The following NALCN variants were observed in gnomAD, a reference collection of about 807,000 sequenced individuals.
NALCN encodes the protein sodium leak channel, non-selective.
NALCN carries 111 observed loss-of-function variants against 225.3 expected under a neutral mutation model. The observed-to-expected ratio is 0.49, with a 90% CI of 0.42 to 0.58. The LOEUF (loss-of-function observed/expected upper bound fraction) is 0.58, where lower values mean the gene tolerates loss of function less well. Among genes scored for constraint, NALCN ranks in the 20% least tolerant of loss-of-function variants. The pLI is 0.00. For synonymous variants in NALCN, 764 were observed against 769.0 expected, an observed-to-expected ratio of 0.99 and a Z score of 0.11; for missense variants, 1,378 against 2,202.4, an observed-to-expected ratio of 0.63 and a Z score of 7.49.
intron 1 of NALCN, 119 bp from the exon 2 acceptor site, chr13:101,399,284 T>A: frequency 1.9e-6 from 1 of 531,742 alleles, no homozygotes; most frequent in South Asian, 2.9e-5. Flanking sequence ...CCATAGTGTA[T>A]AATAAACATA....
chr13:101,402,639 C>A (rs2047506450), intron 1 of NALCN, among the ~76,000 whole-genome samples: 1 of 152,210 alleles, frequency 6.6e-6, no homozygotes, highest in Non-Finnish European at 1.5e-5. Context: ...TCTTGCCTGT[C>A]TTCTCTACTT....
intron 3 of NALCN, among the ~76,000 whole-genome samples, chr13:101,390,451 G>A (rs79273066): frequency 0.012 from 1,784 of 151,820 alleles, 36 homozygotes; most frequent in African/African-American, 0.041. Context: ...AGAAAACAAA[G>A]GAAAGGAAAG....
intron 7 of NALCN, among the ~76,000 whole-genome samples, chr13:101,324,018 T>A (rs1005027727): frequency 6.6e-6 from 1 of 152,278 alleles, no homozygotes; most frequent in African/African-American, 2.4e-5. Flanking sequence ...GGAAGCAACG[T>A]TTAACTTAGT....
intron 15 of NALCN, among the ~76,000 whole-genome samples, chr13:101,146,820 A>G (rs767257909): frequency 4.6e-5 from 7 of 152,218 alleles, no homozygotes; most frequent in Non-Finnish European, 8.8e-5. Context: ...AGCCCACAGT[A>G]TAACTGGGTA....
intron 7 of NALCN, among the ~76,000 whole-genome samples, chr13:101,309,037 T>C (rs1186232503): frequency 6.6e-6 from 1 of 152,222 alleles, no homozygotes; most frequent in Non-Finnish European, 1.5e-5. Flanking sequence ...TATGAGATTG[T>C]TACTTTTTAA....
chr13:101,127,112 C>T (rs1226171731), intron 17 of NALCN, among the ~76,000 whole-genome samples: 1 of 152,192 alleles, frequency 6.6e-6, no homozygotes, highest in African/African-American at 2.4e-5. Flanking sequence ...ACTGCCCCTG[C>T]AATTTCACGT....
rs772306560 is a variant in NALCN, at chr13:101,074,630, G to A, written c.3987C>T (p.Val1329=). The A allele has an allele frequency of 9.9e-6, 16 of 1,612,722 alleles. No individual in the cohort carries two copies. Among genetic ancestry groups the A allele is most frequent in the African/African-American group, 1.3e-5 (1 of 74,782 alleles). The change falls in exon 36 of 44, where the codon GTC becomes GTT. Residue 1329 remains valine, a synonymous_variant. Coordinates refer to ENST00000251127, the MANE Select transcript of NALCN (RefSeq NM_052867.4). ...VTLKMLLLTV[V]VSMYKSFFII... is the part of the protein sequence containing the mutation. ...TAAAGAAGCTCTTGTACATGCTGACGACCACTGTCAAGAGGAGCATCTTTA... is the reference window on the plus strand; with the variant it reads ...TAAAGAAGCTCTTGTACATGCTGACAACCACTGTCAAGAGGAGCATCTTTA...
At chr13:101,229,368 C>T (rs781772155) in intron 13 of NALCN, 25 bp downstream of exon 13, 2 of 1,495,860 alleles carry the variant, frequency 1.3e-6, no homozygotes, top group Admixed American at 2.4e-5. Flanking sequence ...ATGAATTTAA[C>T]TTACTGCATT....
At chr13:101,205,700 A>T (rs1006713133) in intron 13 of NALCN, among the ~76,000 whole-genome samples, 1 of 152,168 alleles carries the variant, frequency 6.6e-6, no homozygotes, top group Admixed American at 6.5e-5. Flanking sequence ...TTTCTTAATA[A>T]GAGATTTTGC....
In NALCN at chr13:101,399,024, T is replaced by C. The variant is rs79047578; in HGVS notation, c.103A>G (p.Lys35Glu). 501 of 1,568,022 alleles carry C rather than the reference T, an allele frequency of 3.2e-4. No individual in the cohort carries two copies. The African/African-American group carries it at 6.3e-3, about 20-fold the overall frequency. Residue 35 changes from lysine (K) to glutamate (E), a missense_variant, in exon 2 of 44, where the codon AAA becomes GAA. By Grantham distance (56) the Lys-to-Glu change is moderately conservative. Coordinates refer to ENST00000251127, the MANE Select transcript of NALCN (RefSeq NM_052867.4). ...SDNADILWINKPWVHSLLRIC... is the reference protein window; with the variant it reads ...SDNADILWINEPWVHSLLRIC... ...TACTCAAAGAAGAAACTTACTGGTT[T>C]GTTAATCCAGAGGATGTCAGCATTA...
intron 1 of NALCN, among the ~76,000 whole-genome samples, chr13:101,407,732 A>C (rs1429067233): frequency 1.3e-5 from 2 of 152,238 alleles, no homozygotes; most frequent in East Asian, 3.8e-4. Flanking sequence ...TGTCGGGAGA[A>C]CAGAGGGAGG....
chr13:101,388,740 A>G (rs1330839183), intron 3 of NALCN, among the ~76,000 whole-genome samples: 2 of 152,246 alleles, frequency 1.3e-5, no homozygotes, highest in Admixed American at 1.3e-4. Context: ...TTATTTAATG[A>G]CTTAAAAAAA....
chr13:101,268,450 G>A (rs1490002112), intron 10 of NALCN, among the ~76,000 whole-genome samples: 2 of 152,154 alleles, frequency 1.3e-5, no homozygotes, highest in Non-Finnish European at 2.9e-5. Flanking sequence ...CTCATACATT[G>A]ATCATAAATA....
At chr13:101,128,595 C>A (rs189580174) in intron 17 of NALCN, among the ~76,000 whole-genome samples, 11 of 151,974 alleles carry the variant, frequency 7.2e-5, no homozygotes, top group Admixed American at 7.2e-4. Flanking sequence ...GTTCTGTCAC[C>A]CAGGCTGGAG....
intron 7 of NALCN, among the ~76,000 whole-genome samples, chr13:101,298,574 G>A (rs1399769822): frequency 2.0e-5 from 3 of 152,098 alleles, no homozygotes; most frequent in South Asian, 2.1e-4. Flanking sequence ...CACTCACCTC[G>A]GCCTCCCAAA....
intron 6 of NALCN, among the ~76,000 whole-genome samples, chr13:101,371,897 T>C (rs1594754786): frequency 6.6e-6 from 1 of 152,228 alleles, no homozygotes; most frequent in Non-Finnish European, 1.5e-5. Context: ...GAATTTGTCA[T>C]GTGCTCCCTT....
In NALCN at chr13:101,058,062, T is replaced by C. The variant is rs567134179; in HGVS notation, c.4906-6A>G. ...AGCTGCTGCTGGCTGCTTGTCTGCA[T>C]GGGAGGAGAAGCACACAGTTACCGT... On this transcript the variant is annotated splice_region_variant and splice_polypyrimidine_tract_variant and intron_variant, in intron 42 of 43. Coordinates refer to ENST00000251127, the MANE Select transcript of NALCN (RefSeq NM_052867.4). The C allele has an allele frequency of 1.2e-6, 2 of 1,610,398 alleles. No homozygotes were observed. Among genetic ancestry groups the C allele is most frequent in the African/African-American group, 1.3e-5 (1 of 74,990 alleles).
chr13:101,074,438 AAAC>A, intron 36 of NALCN, 73 bp downstream of exon 36: 1 of 1,360,908 alleles, frequency 7.3e-7, no homozygotes, highest in Non-Finnish European at 9.7e-7. Context: ...AATAGACAAA[AAAC>A]ATTTGTTTAT....
intron 10 of NALCN, among the ~76,000 whole-genome samples, chr13:101,269,289 G>T (rs947392552): frequency 1.3e-5 from 2 of 151,192 alleles, no homozygotes; most frequent in African/African-American, 4.9e-5. Flanking sequence ...TGCAAGGCTG[G>T]ATTCATAGTA....
Sources: gnomAD v4.1 joint callset for allele counts (sites outside exome capture counted in the v4.1 genomes callset) on GRCh38, gnomAD v4.1.1 for gene constraint, MANE v1.5 for transcripts, NCBI Gene and HGNC (gene_info 2026-07-23, HGNC 2026-07-21) for gene names.